The following HIVEP3 variants were observed in gnomAD, a reference collection of about 807,000 sequenced individuals.
HIVEP3 encodes the protein HIVEP zinc finger 3.
HIVEP3 carries 49 observed loss-of-function variants against 152.8 expected under a neutral mutation model. The observed-to-expected ratio is 0.32, with a 90% confidence interval of 0.26 to 0.41. HIVEP3 has a LOEUF of 0.41. Ranked by LOEUF, HIVEP3 falls within the 10% of genes least tolerant of loss-of-function variation. HIVEP3 has a pLI of 1.00. For synonymous variants in HIVEP3, 1,269 were observed against 1,289.0 expected (o/e 0.98, Z 0.33); for missense variants, 2,790 against 3,103.3 (o/e 0.90, Z 2.40).
At chr1:41,869,597 G>A in intron 1 of HIVEP3, 1 of 152,174 alleles carries the variant, frequency 6.6e-6, no homozygotes, top group East Asian at 1.9e-4. Context: ...CCTGCACAGT[G>A]TTTTTCTTTA....
At chr1:41,564,008 A>G (rs1250637607) in intron 5 of HIVEP3, among the ~76,000 whole-genome samples, 1 of 152,176 alleles carries the variant, frequency 6.6e-6, no homozygotes, top group African/African-American at 2.4e-5. Context: ...CCTAGCTAAC[A>G]TGGTGAAACC....
intron 3 of HIVEP3, among the ~76,000 whole-genome samples, chr1:41,627,667 C>G (rs372773678): frequency 2.0e-5 from 3 of 152,238 alleles, no homozygotes; most frequent in East Asian, 1.9e-4. Context: ...TTCAGAGAAG[C>G]GAAAGAGTCA....
intron 2 of HIVEP3, among the ~76,000 whole-genome samples, chr1:41,700,575 A>C (rs1646346805): frequency 2.0e-5 from 3 of 151,718 alleles, no homozygotes; most frequent in Admixed American, 2.0e-4. Context: ...ACCGAGTCCC[A>C]CTCCCTCACT....
intron 1 of HIVEP3, among the ~76,000 whole-genome samples, chr1:41,869,093 C>A (rs1013066012): frequency 2.0e-5 from 3 of 152,182 alleles, no homozygotes; most frequent in African/African-American, 4.8e-5. Flanking sequence ...CATGTCTACA[C>A]CCTATAGGCT....
upstream of HIVEP3, among the ~76,000 whole-genome samples, chr1:41,918,981 T>C (rs552804533): frequency 6.6e-5 from 10 of 152,316 alleles, no homozygotes; most frequent in African/African-American, 2.2e-4. The surrounding 1 kb of genome is among the most constrained non-coding windows in gnomAD (Gnocchi z 4.3). Context: ...CACTTCGGAA[T>C]AGCTGTCACT....
At chr1:41,868,513 C>T (rs893926546) in intron 1 of HIVEP3, among the ~76,000 whole-genome samples, 6 of 152,202 alleles carry the variant, frequency 3.9e-5, no homozygotes, top group Non-Finnish European at 8.8e-5. Context: ...CCCCTGGAGA[C>T]ACTAGTCTCC....
At chr1:41,923,802 AG>A (rs900193287), upstream of HIVEP3, among the ~76,000 whole-genome samples, 2 of 152,226 alleles carry the variant, frequency 1.3e-5, no homozygotes, top group Non-Finnish European at 2.9e-5. Context: ...AAATAAAATA[AG>A]GCTTTAAAAA....
chr1:41,806,632 C>T (rs1336078361), intron 1 of HIVEP3, among the ~76,000 whole-genome samples: 10 of 152,236 alleles, frequency 6.6e-5, no homozygotes, highest in South Asian at 2.1e-4. Context: ...CAGGTGGCTC[C>T]GTCCCAGCAC....
intron 2 of HIVEP3, among the ~76,000 whole-genome samples, chr1:41,650,249 C>G (rs181414790): frequency 1.6e-4 from 24 of 152,066 alleles, no homozygotes; most frequent in Admixed American, 5.9e-4. Context: ...TTTAGACTGG[C>G]GGCCCCACAA....
At chr1:41,876,116 GTT>G (rs67320823) in intron 1 of HIVEP3, among the ~76,000 whole-genome samples, 4 of 146,682 alleles carry the variant, frequency 2.7e-5, no homozygotes, top group African/African-American at 1.0e-4. Context: ...AGAGTGTTAA[GTT>G]TTTTTTTTTT....
intron 2 of HIVEP3, among the ~76,000 whole-genome samples, chr1:41,677,522 T>C (rs1645975396): frequency 6.6e-6 from 1 of 152,212 alleles, no homozygotes; most frequent in African/African-American, 2.4e-5. Context: ...AGGAGAATGA[T>C]GAGACAAAAC....
intron 1 of HIVEP3, among the ~76,000 whole-genome samples, chr1:42,019,120 C>A (rs913266224): frequency 6.6e-6 from 1 of 151,988 alleles, no homozygotes; most frequent in African/African-American, 2.4e-5. Flanking sequence ...AGCACAGATG[C>A]CACATTGACT....
At chr1:41,775,935 A>T (rs925270643) in intron 1 of HIVEP3, among the ~76,000 whole-genome samples, 4 of 152,222 alleles carry the variant, frequency 2.6e-5, no homozygotes, top group African/African-American at 9.7e-5. Flanking sequence ...CTGCCTAGTC[A>T]GTTATGTGCA....
chr1:41,779,967 A>G (rs892284651), intron 1 of HIVEP3, among the ~76,000 whole-genome samples: 1 of 152,228 alleles, frequency 6.6e-6, no homozygotes, highest in African/African-American at 2.4e-5. Context: ...CACTTCCACA[A>G]GGAGATCATG....
intron 1 of HIVEP3, among the ~76,000 whole-genome samples, chr1:41,967,105 G>T (rs1281907977): frequency 6.6e-6 from 1 of 152,100 alleles, no homozygotes; most frequent in African/African-American, 2.4e-5. Flanking sequence ...AATAGTGGGA[G>T]ACATTAACAC....
At chr1:41,795,874 CA>C (rs1186097506) in intron 1 of HIVEP3, among the ~76,000 whole-genome samples, 1 of 152,092 alleles carries the variant, frequency 6.6e-6, no homozygotes, top group Non-Finnish European at 1.5e-5. Context: ...GTTTTAGGCT[CA>C]TTTTTTTGTG....
chr1:41,784,229 G>A (rs1649215961), intron 1 of HIVEP3, among the ~76,000 whole-genome samples: 1 of 152,192 alleles, frequency 6.6e-6, no homozygotes, highest in Non-Finnish European at 1.5e-5. Flanking sequence ...AATGTGGCTA[G>A]GCCATATTGT....
intron 1 of HIVEP3, among the ~76,000 whole-genome samples, chr1:41,717,292 G>T (rs1371190228): frequency 1.3e-5 from 2 of 152,204 alleles, no homozygotes; most frequent in African/African-American, 2.4e-5. Context: ...TACCTACTTT[G>T]TGTCAGGCGC....
At chr1:41,631,391 C>A (rs1645191793) in intron 2 of HIVEP3, among the ~76,000 whole-genome samples, 1 of 152,194 alleles carries the variant, frequency 6.6e-6, no homozygotes, top group Admixed American at 6.5e-5. Context: ...GGAACAATGC[C>A]TGGCACGGCC....
Sources: allele counts gnomAD v4.1 joint callset (sites outside exome capture counted in the v4.1 genomes callset), GRCh38; gene constraint gnomAD v4.1.1; non-coding constraint Gnocchi (gnomAD v3.1); transcripts MANE v1.5; gene names NCBI Gene and HGNC (gene_info 2026-07-23, HGNC 2026-07-21).